The following HS3ST1 variants were observed in gnomAD, a reference collection of about 807,000 sequenced individuals.
HS3ST1 encodes the protein heparan sulfate glucosamine 3-O-sulfotransferase 1.
HS3ST1 carries 8 observed loss-of-function variants against 20.7 expected under a neutral mutation model. The ratio of observed to expected loss-of-function variants is 0.39; its 90% confidence interval spans 0.23 to 0.70. The LOEUF is 0.70. Among genes scored for constraint, HS3ST1 ranks in the 30% least tolerant of loss-of-function variants. The probability of loss-of-function intolerance (pLI) is 0.46; values close to 1 mark genes in which losing one functional copy is unlikely to be tolerated. For synonymous variants in HS3ST1, 205 were observed against 190.4 expected, an observed-to-expected ratio of 1.08 and a Z score of -0.63; for missense variants, 436 against 423.4, an observed-to-expected ratio of 1.03 and a Z score of -0.26.
chr4:11,413,109 G>A (rs1577443234), intron 1 of HS3ST1, among the ~76,000 whole-genome samples: 1 of 152,220 alleles, frequency 6.6e-6, no homozygotes, highest in African/African-American at 2.4e-5. Context: ...ACTGTGAGAA[G>A]TCAGTTTCTG....
chr4:11,419,145 C>G (rs1273253261), intron 1 of HS3ST1, among the ~76,000 whole-genome samples: 1 of 151,668 alleles, frequency 6.6e-6, no homozygotes, highest in Non-Finnish European at 1.5e-5. Context: ...CCTGTATTCT[C>G]TTCCCTTCTC....
At position 11,394,134 on chromosome 4, in the gene HS3ST1, C is replaced by T. The variant is rs914733624; in HGVS notation, c.*4948G>A. 7 of 152,160 alleles carry T rather than the reference C, an allele frequency of 4.6e-5. No individual in the cohort carries two copies. The highest frequency in any genetic ancestry group is 1.3e-4 in the Admixed American group (2 of 15,274). 9.4% of individuals were successfully genotyped at this position (152,160 alleles called of 1,614,324 possible). A position where few individuals can be genotyped will look rare whatever the true frequency, so the allele number is the denominator to read the frequency against. On this transcript the variant is annotated 3_prime_UTR_variant, in exon 2 of 2. Transcript: ENST00000002596. ...GCACTGGGTTTATAGTTTTTACCTA[C>T]TTTATCTCATTGAGTTGGAGTTTTC...
At chr4:11,405,458 A>G (rs1322110973) in intron 1 of HS3ST1, among the ~76,000 whole-genome samples, 1 of 152,120 alleles carries the variant, frequency 6.6e-6, no homozygotes, top group Non-Finnish European at 1.5e-5. Flanking sequence ...ACTCCTTTCC[A>G]AGGAGGCCTT....
rs1049216677 is a variant in HS3ST1, at chr4:11,395,865, A to G, written c.*3217T>C. The G allele has an allele frequency of 6.6e-6, 1 of 152,290 alleles. No homozygotes were observed. Among genetic ancestry groups the G allele is most frequent in the Admixed American group, 6.5e-5 (1 of 15,284 alleles). The allele number at this position is 152,290 out of a possible 1,614,324, so 9.4% of individuals were successfully genotyped here. On this transcript the variant is annotated 3_prime_UTR_variant, in exon 2 of 2. Transcript: ENST00000002596. ...ATGTTGCTGAACTGAATGCCAAACCATGGAACACATTCCCCCACCCATTCT... is the reference window on the plus strand; with the variant it reads ...ATGTTGCTGAACTGAATGCCAAACCGTGGAACACATTCCCCCACCCATTCT...
intron 1 of HS3ST1, among the ~76,000 whole-genome samples, chr4:11,422,263 C>T (rs183351155): frequency 3.3e-4 from 51 of 152,308 alleles, no homozygotes; most frequent in Admixed American, 2.2e-3. Context: ...CCACCATGAA[C>T]CGCTTCCTAA....
Position 11,417,955 on chromosome 4 carries a change from T to A in HS3ST1, c.-109+10744A>T, listed in dbSNP as rs1718828978. Among the ~76,000 whole-genome samples, 3 of 152,372 alleles carry A rather than the reference T, an allele frequency of 2.0e-5. No homozygotes were observed. The South Asian group carries it at 6.2e-4, about 32-fold the overall frequency. Reference sequence around the variant, plus strand: ...CGATTCATTTTCCTCTTTCACTGCTTCAAATGTCTTTGTGCCTCAGTTTCC... The same window carrying A: ...CGATTCATTTTCCTCTTTCACTGCTACAAATGTCTTTGTGCCTCAGTTTCC... On this transcript the variant is annotated intron_variant, in intron 1 of 1. Coordinates refer to ENST00000002596, the MANE Select transcript of HS3ST1 (RefSeq NM_005114.4).
At chr4:11,423,815 G>A (rs566875750) in intron 1 of HS3ST1, among the ~76,000 whole-genome samples, 41 of 152,142 alleles carry the variant, frequency 2.7e-4, no homozygotes, top group East Asian at 5.8e-4. Flanking sequence ...CTCTTGCCTC[G>A]ATATTCTGAA....
At chr4:11,432,314 A>G (rs994636614), upstream of HS3ST1, among the ~76,000 whole-genome samples, 4 of 152,152 alleles carry the variant, frequency 2.6e-5, no homozygotes, top group Non-Finnish European at 4.4e-5. Context: ...GGCTGTTTGA[A>G]TCTTTCAGGT....
chr4:11,409,022 T>G (rs1425978801), intron 1 of HS3ST1, among the ~76,000 whole-genome samples: 2 of 152,230 alleles, frequency 1.3e-5, no homozygotes, highest in Non-Finnish European at 2.9e-5. Flanking sequence ...AAAATAGCCA[T>G]GTGCCATCAT....
intron 1 of HS3ST1, among the ~76,000 whole-genome samples, chr4:11,417,668 C>T (rs977910922): frequency 2.0e-5 from 3 of 151,982 alleles, no homozygotes; most frequent in Non-Finnish European, 2.9e-5. Flanking sequence ...TAATTATATT[C>T]GTGTTTTACA....
chr4:11,431,313 G>A (rs1160084141), upstream of HS3ST1, among the ~76,000 whole-genome samples: 1 of 151,308 alleles, frequency 6.6e-6, no homozygotes, highest in African/African-American at 2.4e-5. Flanking sequence ...CCCTTTCAAA[G>A]CCGTGGGCAT....
chr4:11,431,036 G>A (rs563076474), upstream of HS3ST1, among the ~76,000 whole-genome samples: 2 of 152,256 alleles, frequency 1.3e-5, no homozygotes, highest in South Asian at 4.2e-4. Context: ...TTATCCAGAA[G>A]CTCATGTAGT....
At position 11,399,879 on chromosome 4, in the gene HS3ST1, C is replaced by G; in HGVS notation, c.127G>C (p.Asp43His). 1 of 1,611,900 alleles carries G rather than the reference C, an allele frequency of 6.2e-7. No individual in the cohort carries two copies. The highest frequency in any genetic ancestry group is 8.5e-7 in the Non-Finnish European group (1 of 1,179,742). ...GCAGAGCCGTTTGGGGCCACGCCAT[C>G]GCGGACGTCATCCTGGAGGGTCCCC... ...KAGTLQDDVR[D>H]GVAPNGSAQQ... is the part of the protein sequence containing the mutation. Residue 43 changes from aspartate (D) to histidine (H), a missense_variant, in exon 2 of 2, where the codon GAT becomes CAT. By Grantham distance (81) the Asp-to-His change is moderately conservative. Coordinates refer to ENST00000002596, the MANE Select transcript of HS3ST1 (RefSeq NM_005114.4). The surrounding 1 kb of genome is among the most constrained non-coding windows in gnomAD (Gnocchi z 5.1).
rs1718254989 is a variant in HS3ST1, at chr4:11,399,558, A to C, written c.448T>G (p.Ser150Ala). The C allele has an allele frequency of 6.2e-7, 1 of 1,613,794 alleles. No homozygotes were observed. Among genetic ancestry groups the C allele is most frequent in the Middle Eastern group, 1.6e-4 (1 of 6,062 alleles). ...IRLLLILRDP[S>A]ERVLSDYTQV... ...GTGTAGTCAGATAGCACGCGCTCCGACGGGTCTCGCAGGATGAGCAGCAGC... is the reference window on the plus strand; with the variant it reads ...GTGTAGTCAGATAGCACGCGCTCCGCCGGGTCTCGCAGGATGAGCAGCAGC... Residue 150 changes from serine to alanine, a missense_variant, in exon 2 of 2, where the codon TCG becomes GCG. Ser to Ala is a moderately conservative substitution (Grantham distance 99). Coordinates refer to ENST00000002596, the MANE Select transcript of HS3ST1 (RefSeq NM_005114.4). The surrounding 1 kb of genome is among the most constrained non-coding windows in gnomAD (Gnocchi z 5.1).
At chr4:11,420,618 G>C (rs1718909071) in intron 1 of HS3ST1, among the ~76,000 whole-genome samples, 1 of 152,184 alleles carries the variant, frequency 6.6e-6, no homozygotes, top group Non-Finnish European at 1.5e-5. Context: ...TCACAGGGTT[G>C]AAATACCTTC....
At chr4:11,405,565 T>C (rs1365250788) in intron 1 of HS3ST1, among the ~76,000 whole-genome samples, 3 of 152,216 alleles carry the variant, frequency 2.0e-5, no homozygotes, top group Non-Finnish European at 4.4e-5. Flanking sequence ...GTTTGCTGAA[T>C]GAACTTGTCA....
At chr4:11,402,002 C>T (rs956027505) in intron 1 of HS3ST1, among the ~76,000 whole-genome samples, 1 of 152,198 alleles carries the variant, frequency 6.6e-6, no homozygotes, top group Non-Finnish European at 1.5e-5. Flanking sequence ...GCGTAAGAGA[C>T]AGGCCTGGCT....
At chr4:11,426,108 T>C (rs1719052960) in intron 1 of HS3ST1, among the ~76,000 whole-genome samples, 1 of 152,152 alleles carries the variant, frequency 6.6e-6, no homozygotes, top group Non-Finnish European at 1.5e-5. Context: ...TGACCCAGCC[T>C]ACAGGCTCAA....
chr4:11,433,247 G>T (rs1374990054), upstream of HS3ST1, among the ~76,000 whole-genome samples: 1 of 152,156 alleles, frequency 6.6e-6, no homozygotes, highest in East Asian at 1.9e-4. Context: ...TGGGCAGTGT[G>T]CCTAAGACTT....
Sources: allele counts gnomAD v4.1 joint callset (sites outside exome capture counted in the v4.1 genomes callset), GRCh38; gene constraint gnomAD v4.1.1; non-coding constraint Gnocchi (gnomAD v3.1); transcripts MANE v1.5; gene names NCBI Gene and HGNC (gene_info 2026-07-23, HGNC 2026-07-21).